The following CTNNA3 variants were observed in gnomAD, a reference collection of about 807,000 sequenced individuals.
CTNNA3 encodes catenin alpha-3.
A neutral mutation model predicts 95.7 loss-of-function variants in CTNNA3; 76 were observed. The observed-to-expected ratio is 0.79, with a 90% CI of 0.66 to 0.96. CTNNA3 has a LOEUF of 0.96. Ranked by LOEUF, CTNNA3 falls within the 40% of genes least tolerant of loss-of-function variation. The pLI, the probability that CTNNA3 is intolerant of heterozygous loss-of-function variation, is 0.00. For synonymous variants in CTNNA3, 431 were observed against 374.4 expected (o/e 1.15, Z -1.74); for missense variants, 1,191 against 1,089.8 (o/e 1.09, Z -1.31).
intron 7 of CTNNA3, among the ~76,000 whole-genome samples, chr10:66,999,762 T>C (rs7083516): frequency 0.31 from 47,628 of 152,124 alleles, 8,664 homozygotes; most frequent in East Asian, 0.53. Flanking sequence ...TTTATCAATT[T>C]ATCTTAGTTG....
At chr10:66,245,645 C>A (rs575338444) in intron 13 of CTNNA3, among the ~76,000 whole-genome samples, 5 of 152,150 alleles carry the variant, frequency 3.3e-5, no homozygotes, top group African/African-American at 1.2e-4. Context: ...ACAGAAGAGA[C>A]CAAGGAGTGG....
Position 66,432,413 on chromosome 10 carries a change from C to A in CTNNA3, c.1532-53061G>T, listed in dbSNP as rs182135730. 4.9e-3 allele frequency among the ~76,000 whole-genome samples: 748 copies of A among 152,280 alleles called. 6 individuals are homozygous for A. Among genetic ancestry groups the A allele is most frequent in the African/African-American group, 0.012 (499 of 41,558 alleles). Reference sequence around the variant, plus strand: ...GTGGCTCACGCCTGTAATCCCAACACTTTGGGAAGCCAAGGCAGGTGGATC... The same window carrying A: ...GTGGCTCACGCCTGTAATCCCAACAATTTGGGAAGCCAAGGCAGGTGGATC... On this transcript the variant is annotated intron_variant, in intron 11 of 17. Transcript: ENST00000433211.
At chr10:66,055,498 G>A (rs1471790287) in intron 15 of CTNNA3, among the ~76,000 whole-genome samples, 5 of 151,676 alleles carry the variant, frequency 3.3e-5, no homozygotes, top group Non-Finnish European at 5.9e-5. Context: ...TACTTTCTTG[G>A]TTTCTTTTTT....
chr10:67,747,844 A>G (rs1004066046), intron 1 of CTNNA3, among the ~76,000 whole-genome samples: 2 of 152,204 alleles, frequency 1.3e-5, no homozygotes, highest in African/African-American at 4.8e-5. Flanking sequence ...AACCTAACGC[A>G]AAGAAGCTAA....
intron 9 of CTNNA3, among the ~76,000 whole-genome samples, chr10:66,703,199 G>C (rs528023495): frequency 5.8e-4 from 89 of 152,232 alleles, no homozygotes; most frequent in African/African-American, 2.1e-3. Context: ...GCAAGAGGTT[G>C]TGCCAGGAGT....
At chr10:67,099,675 A>T (rs868094223) in intron 7 of CTNNA3, 1 of 152,236 alleles carries the variant, frequency 6.6e-6, no homozygotes, top group African/African-American at 2.4e-5. Flanking sequence ...AGCAAATTCT[A>T]TTACTAATTC....
chr10:66,882,435 G>A (rs909979193), intron 7 of CTNNA3, among the ~76,000 whole-genome samples: 1 of 152,112 alleles, frequency 6.6e-6, no homozygotes, highest in Admixed American at 6.6e-5. Flanking sequence ...GACAGAGCTT[G>A]AACACTTGAC....
At chr10:66,633,793 T>C (rs1044443841) in intron 9 of CTNNA3, among the ~76,000 whole-genome samples, 1 of 152,186 alleles carries the variant, frequency 6.6e-6, no homozygotes, top group Non-Finnish European at 1.5e-5. Flanking sequence ...GGATTACTAT[T>C]GCTATGAAGA....
intron 9 of CTNNA3, among the ~76,000 whole-genome samples, chr10:66,730,423 G>A (rs549605958): frequency 7.9e-5 from 12 of 152,152 alleles, no homozygotes; most frequent in Non-Finnish European, 1.6e-4. Flanking sequence ...ACACATTGTT[G>A]GAGGGAACAA....
At position 66,819,135 on chromosome 10, in the gene CTNNA3, T is replaced by C. The variant is rs149941860; in HGVS notation, c.1048-43611A>G. Among the ~76,000 whole-genome samples, 783 of 144,164 alleles carry C rather than the reference T, an allele frequency of 5.4e-3. 2 individuals carry two copies. The highest frequency in any genetic ancestry group is 0.014 in the South Asian group (63 of 4,360). The allele number at this position is 144,164 out of a possible 152,430, so 94.6% of individuals were successfully genotyped here. On this transcript the variant is annotated intron_variant, in intron 7 of 17. Transcript: ENST00000433211. ...AAAAAAGGTTGGAGTAGTATTGGCA[T>C]AATGGATCAAATAGATCAATAGAAT...
At chr10:66,529,788 T>C (rs1191559713) in intron 10 of CTNNA3, among the ~76,000 whole-genome samples, 1 of 152,130 alleles carries the variant, frequency 6.6e-6, no homozygotes, top group African/African-American at 2.4e-5. Context: ...AGAGATGAAA[T>C]AACTTGCCCA....
rs1318693308 is a variant in CTNNA3 at position 66,964,140 on chromosome 10, G to A, written c.1048-188616C>T. 2.0e-5 allele frequency among the ~76,000 whole-genome samples: 3 copies of A among 152,054 alleles called. No homozygotes were observed. The East Asian group carries it at 5.8e-4, about 29-fold the overall frequency. On this transcript the variant is annotated intron_variant, in intron 7 of 17. Coordinates refer to ENST00000433211, the MANE Select transcript of CTNNA3 (RefSeq NM_013266.4). ...GCTGGGATTACAGGTGTGAGCCACC[G>A]CACCCAGCCAGACATCAATTTCTGT...
intron 5 of CTNNA3, among the ~76,000 whole-genome samples, chr10:67,349,464 C>T (rs996358085): frequency 6.6e-6 from 1 of 152,152 alleles, no homozygotes; most frequent in East Asian, 1.9e-4. Flanking sequence ...AGGACAAATA[C>T]TGCATGATTC....
In CTNNA3 at chr10:66,148,032, T is replaced by C. The variant is rs1299497597; in HGVS notation, c.1885-44783A>G. Among the ~76,000 whole-genome samples, 3 of 151,782 alleles carry C rather than the reference T, an allele frequency of 2.0e-5. No individual in the cohort carries two copies. The South Asian group carries it at 6.2e-4, about 31-fold the overall frequency. ...TACAAGGCAGCTCATTATTGTTTTA[T>C]TTCCTATATCCTTGATTGTAAACAG... On this transcript the variant is annotated intron_variant, in intron 13 of 17. Coordinates refer to ENST00000433211, the MANE Select transcript of CTNNA3 (RefSeq NM_013266.4).
At chr10:67,163,584 A>C (rs1295446220) in intron 7 of CTNNA3, among the ~76,000 whole-genome samples, 1 of 152,010 alleles carries the variant, frequency 6.6e-6, no homozygotes, top group Non-Finnish European at 1.5e-5. Flanking sequence ...ATCAGCTCTC[A>C]CCACACTTAC....
At chr10:66,547,997 C>T (rs893252646) in intron 10 of CTNNA3, among the ~76,000 whole-genome samples, 1 of 151,780 alleles carries the variant, frequency 6.6e-6, no homozygotes, top group African/African-American at 2.4e-5. Context: ...CTCACCACAA[C>T]CTCCACCTCC....
intron 3 of CTNNA3, among the ~76,000 whole-genome samples, chr10:67,560,440 G>C (rs991845899): frequency 1.2e-4 from 19 of 152,146 alleles, no homozygotes; most frequent in Non-Finnish European, 2.2e-4. Flanking sequence ...CAAATGCTGA[G>C]AGATTTTGTC....
chr10:66,712,592 CCTCT>C lies in CTNNA3; in HGVS notation c.1281+53668_1281+53671del, dbSNP rs779653367. On this transcript the variant is annotated intron_variant, in intron 9 of 17. Transcript: ENST00000433211. Reference sequence around the variant, plus strand: ...CTCTTAATCGCTCTCACTCTCTCTCCCTCTCTCTCTCTCTCTCACACACACAGCA... The same window carrying C: ...CTCTTAATCGCTCTCACTCTCTCTCCCTCTCTCTCTCTCACACACACAGCA... Among the ~76,000 whole-genome samples the C allele has an allele frequency of 1.6e-3, 243 of 149,220 alleles. 1 individual carries two copies. The highest frequency in any genetic ancestry group is 5.6e-3 in the African/African-American group (229 of 40,872).
At chr10:66,039,200 A>C (rs545128194) in intron 15 of CTNNA3, among the ~76,000 whole-genome samples, 11 of 152,316 alleles carry the variant, frequency 7.2e-5, no homozygotes, top group Admixed American at 1.3e-4. Flanking sequence ...GAGGTGAAAG[A>C]TATCTACAAG....
Sources: gnomAD v4.1 joint callset for allele counts (sites outside exome capture counted in the v4.1 genomes callset) on GRCh38, gnomAD v4.1.1 for gene constraint, MANE v1.5 for transcripts, NCBI Gene and HGNC (gene_info 2026-07-23, HGNC 2026-07-21) for gene names.